The following SIAH2 variants were observed in gnomAD, a reference collection of about 807,000 sequenced individuals.
The protein encoded by SIAH2 is E3 ubiquitin-protein ligase SIAH2.
A neutral mutation model predicts 20.4 loss-of-function variants in SIAH2; 4 were observed. That is an observed-to-expected ratio of 0.20 (90% CI 0.10 to 0.45). The LOEUF (loss-of-function observed/expected upper bound fraction) is 0.45. SIAH2 is among the 20% of genes least tolerant of loss of function. The probability of loss-of-function intolerance (pLI) is 0.99; values close to 1 mark genes in which losing one functional copy is unlikely to be tolerated. For synonymous variants in SIAH2, 171 were observed against 192.5 expected (o/e 0.89, Z 0.93); for missense variants, 259 against 440.3 (o/e 0.59, Z 3.69).
chr3:150,745,756 A>G (rs1262275743), intron 1 of SIAH2, among the ~76,000 whole-genome samples: 1 of 151,782 alleles, frequency 6.6e-6, no homozygotes, highest in Non-Finnish European at 1.5e-5. Context: ...CGGCCTCCCA[A>G]AGTGCTGGGA....
intron 1 of SIAH2, among the ~76,000 whole-genome samples, chr3:150,756,094 CA>C (rs958911380): frequency 4.6e-5 from 7 of 152,288 alleles, no homozygotes; most frequent in African/African-American, 1.7e-4. Context: ...AACAGTTTTG[CA>C]ATCTAGGGCA....
At chr3:150,758,050 T>C (rs1281242262) in intron 1 of SIAH2, among the ~76,000 whole-genome samples, 1 of 152,162 alleles carries the variant, frequency 6.6e-6, no homozygotes, top group African/African-American at 2.4e-5. Flanking sequence ...TCTCCTCTCA[T>C]TACATGGCCC....
Position 150,762,264 on chromosome 3 carries a change from AC to A in SIAH2, c.417+168del. On this transcript the variant is annotated intron_variant, in intron 1 of 1. Coordinates refer to ENST00000312960, the MANE Select transcript of SIAH2 (RefSeq NM_005067.7). This position sits in a 1 kb window ranked among gnomAD's most constrained non-coding sequence, Gnocchi z 6.6. ...TATTACTCGGTAAATGTCAACCCAG[AC>A]CTACACCCAAAGTGGGCTTGAGGGA... The A allele has an allele frequency of 1.5e-6, 2 of 1,342,008 alleles. No individual in the cohort carries two copies. Among genetic ancestry groups the A allele is most frequent in the East Asian group, 5.1e-5 (2 of 39,560 alleles). The allele number at this position is 1,342,008 out of a possible 1,614,324, so 83.1% of individuals were successfully genotyped here.
chr3:150,761,064 G>C (rs1038709929), intron 1 of SIAH2, among the ~76,000 whole-genome samples: 1 of 152,152 alleles, frequency 6.6e-6, no homozygotes, highest in African/African-American at 2.4e-5. Context: ...CCAAATTAAA[G>C]CACTCATTTT....
Position 150,762,249 on chromosome 3 carries a change from T to C in SIAH2, c.417+184A>G, listed in dbSNP as rs1000173373. 3.3e-6 allele frequency: 4 copies of C among 1,217,088 alleles called. No homozygotes were observed. The African/African-American group carries it at 6.2e-5, about 19-fold the overall frequency. 75.4% of individuals were successfully genotyped at this position (1,217,088 alleles called of 1,614,324 possible). ...TTGTCTATTAACAATTATTACTCGG[T>C]AAATGTCAACCCAGACCTACACCCA... On this transcript the variant is annotated intron_variant, in intron 1 of 1. Coordinates refer to ENST00000312960, the MANE Select transcript of SIAH2 (RefSeq NM_005067.7). This position sits in a 1 kb window ranked among gnomAD's most constrained non-coding sequence, Gnocchi z 6.6.
intron 1 of SIAH2, among the ~76,000 whole-genome samples, chr3:150,757,286 C>T (rs1213517826): frequency 1.3e-5 from 2 of 152,084 alleles, no homozygotes; most frequent in Non-Finnish European, 2.9e-5. Flanking sequence ...TAAGAAAGAA[C>T]CTTGGGATAA....
Position 150,762,448 on chromosome 3 carries a change from G to A in SIAH2, c.402C>T (p.Val134=). ...CTGGGCTTACCTTACAGGGAAACAG[G>A]ACTGCCGAGGCCACCTTCTCCATAG... is the stretch of plus-strand genomic sequence containing the variant. The part of the protein sequence containing the change: ...NLAMEKVASA[V]LFPCKYATTG... Residue 134 remains valine (V), a synonymous_variant, in exon 1 of 2, where the codon GTC becomes GTT. Coordinates refer to ENST00000312960, the MANE Select transcript of SIAH2 (RefSeq NM_005067.7). This position sits in a 1 kb window ranked among gnomAD's most constrained non-coding sequence, Gnocchi z 6.6. The A allele has an allele frequency of 6.2e-7, 1 of 1,612,768 alleles. No individual in the cohort carries two copies. Among genetic ancestry groups the A allele is most frequent in the Non-Finnish European group, 8.5e-7 (1 of 1,179,612 alleles).
In SIAH2 at chr3:150,742,368, G is replaced by C; in HGVS notation, c.748C>G (p.Leu250Val). Residue 250 changes from leucine (L) to valine (V), a missense_variant, in exon 2 of 2, where the codon CTG becomes GTG. By Grantham distance (32) the Leu-to-Val change is conservative. Transcript: ENST00000312960. This position sits in a 1 kb window ranked among gnomAD's most constrained non-coding sequence, Gnocchi z 4.8. ...EGHQQFFAIV[L>V]LIGTRKQAEN... ...GCTTGCTTGCGGGTGCCAATGAGCA[G>C]GACGATGGCAAAAAACTGCTGGTGG... 6.2e-7 allele frequency: 1 copy of C among 1,614,204 alleles called. No individual in the cohort carries two copies. The highest frequency in any genetic ancestry group is 8.5e-7 in the Non-Finnish European group (1 of 1,180,046).
chr3:150,741,401 G>GGGC lies in SIAH2; in HGVS notation c.*739_*740insGCC, dbSNP rs1714083353. The GGGC allele has an allele frequency of 6.6e-6, 1 of 152,656 alleles. No individual in the cohort carries two copies. Among genetic ancestry groups the GGGC allele is most frequent in the Non-Finnish European group, 1.5e-5 (1 of 68,054 alleles). 9.5% of individuals were successfully genotyped at this position (152,656 alleles called of 1,614,324 possible). ...TAGGCAATCCACCCAAAACATAGGT[G>GGGC]AGTGGCCAAATCTCAGGCGTGCGTT... On this transcript the variant is annotated 3_prime_UTR_variant, in exon 2 of 2. Coordinates refer to ENST00000312960, the MANE Select transcript of SIAH2 (RefSeq NM_005067.7).
At chr3:150,758,258 C>T (rs1284605588) in intron 1 of SIAH2, among the ~76,000 whole-genome samples, 1 of 151,798 alleles carries the variant, frequency 6.6e-6, no homozygotes, top group African/African-American at 2.4e-5. Context: ...TGGAGATATG[C>T]TACTAGAAAC....
At chr3:150,751,920 C>G (rs2108121299) in intron 1 of SIAH2, among the ~76,000 whole-genome samples, 1 of 152,184 alleles carries the variant, frequency 6.6e-6, no homozygotes, top group South Asian at 2.1e-4. Context: ...GTGTGTTTAG[C>G]CTTACAGAGA....
chr3:150,755,517 AT>A (rs903340103), intron 1 of SIAH2, among the ~76,000 whole-genome samples: 1 of 148,668 alleles, frequency 6.7e-6, no homozygotes. Flanking sequence ...TTATTTATTT[AT>A]TTTTTTTATT....
rs1287299046 is a variant in SIAH2, at chr3:150,762,562, G to T, written c.288C>A (p.Ala96=). 2 of 1,613,490 alleles carry T rather than the reference G, an allele frequency of 1.2e-6. No individual in the cohort carries two copies. Among genetic ancestry groups the T allele is most frequent in the South Asian group, 2.2e-5 (2 of 91,062 alleles). ...GGCATTGGTTACACACCAGGTGCCCGGCCTGGCACTGCAGAATAGGAGGCA... is the reference window on the plus strand; with the variant it reads ...GGCATTGGTTACACACCAGGTGCCCTGCCTGGCACTGCAGAATAGGAGGCA... The part of the protein sequence containing the change: ...YVLPPILQCQ[A]GHLVCNQCRQ... Residue 96 remains alanine, a synonymous_variant, in exon 1 of 2, where the codon GCC becomes GCA. Transcript: ENST00000312960. This position sits in a 1 kb window ranked among gnomAD's most constrained non-coding sequence, Gnocchi z 6.6.
chr3:150,754,669 T>G (rs1409355620), intron 1 of SIAH2, among the ~76,000 whole-genome samples: 1 of 152,164 alleles, frequency 6.6e-6, no homozygotes, highest in East Asian at 1.9e-4. Context: ...GTGAGGGAGA[T>G]TATAGGAGAT....
At chr3:150,753,973 G>C (rs889790691) in intron 1 of SIAH2, among the ~76,000 whole-genome samples, 1 of 152,018 alleles carries the variant, frequency 6.6e-6, no homozygotes, top group Non-Finnish European at 1.5e-5. Flanking sequence ...ACCACAAATA[G>C]GAGCCTGATT....
intron 1 of SIAH2, among the ~76,000 whole-genome samples, chr3:150,751,204 G>A (rs1559936562): frequency 2.0e-5 from 3 of 152,178 alleles, no homozygotes; most frequent in African/African-American, 7.2e-5. Flanking sequence ...GGCTGAGGCA[G>A]GCGGATTCCC....
chr3:150,752,708 GTTGT>G (rs1397668896), intron 1 of SIAH2, among the ~76,000 whole-genome samples: 3 of 152,094 alleles, frequency 2.0e-5, no homozygotes, highest in Non-Finnish European at 4.4e-5. Context: ...CAAGTTATTT[GTTGT>G]TTATCTGAAA....
chr3:150,750,244 T>C (rs539912202), intron 1 of SIAH2, among the ~76,000 whole-genome samples: 53 of 152,342 alleles, frequency 3.5e-4, no homozygotes, highest in African/African-American at 1.3e-3. Flanking sequence ...CAAAGACCAC[T>C]GAATGATCAC....
At position 150,741,956 on chromosome 3, in the gene SIAH2, C is replaced by A. The variant is rs1008038158; in HGVS notation, c.*185G>T. 9.3e-5 allele frequency: 57 copies of A among 615,636 alleles called. No homozygotes were observed. The East Asian group carries it at 1.6e-3, about 17-fold the overall frequency. 38.1% of individuals were successfully genotyped at this position (615,636 alleles called of 1,614,324 possible). A position where few individuals can be genotyped will look rare whatever the true frequency, so the allele number is the denominator to read the frequency against. ...AGCATCCAAATCACCAACAGGCCAACCCCATTCATCCCAGGTTAATGAACT... is the reference window on the plus strand; with the variant it reads ...AGCATCCAAATCACCAACAGGCCAAACCCATTCATCCCAGGTTAATGAACT... On this transcript the variant is annotated 3_prime_UTR_variant, in exon 2 of 2. Transcript: ENST00000312960.
Sources: gnomAD v4.1 joint callset for allele counts (sites outside exome capture counted in the v4.1 genomes callset) on GRCh38, gnomAD v4.1.1 for gene constraint, Gnocchi (gnomAD v3.1) non-coding constraint, MANE v1.5 for transcripts, NCBI Gene and HGNC (gene_info 2026-07-23, HGNC 2026-07-21) for gene names.